The following FAM81B variants were observed in gnomAD, a reference collection of about 807,000 sequenced individuals.
FAM81B encodes the protein protein FAM81B.
In FAM81B, 60 loss-of-function variants were observed where a neutral mutation model predicts 58.7. The observed-to-expected ratio is 1.02, with a 90% CI of 0.83 to 1.27. The LOEUF (loss-of-function observed/expected upper bound fraction) is 1.27. Among genes scored for constraint, FAM81B ranks in the 50% most tolerant of loss-of-function variants. The pLI is 0.00. For synonymous variants in FAM81B, 189 were observed against 179.6 expected, an observed-to-expected ratio of 1.05 and a Z score of -0.42; for missense variants, 491 against 522.0, an observed-to-expected ratio of 0.94 and a Z score of 0.58.
chr5:95,431,592 G>T (rs1744894003), intron 6 of FAM81B, among the ~76,000 whole-genome samples: 1 of 151,910 alleles, frequency 6.6e-6, no homozygotes, highest in East Asian at 1.9e-4. Context: ...TTCTATCCAA[G>T]AATGTAGTGT....
At chr5:95,437,033 CTAACACAGAGAA>C in intron 7 of FAM81B, 127 bp downstream of exon 7, 1 of 629,786 alleles carries the variant, frequency 1.6e-6, no homozygotes, top group South Asian at 2.1e-5. Flanking sequence ...AAGCAGTGAA[CTAACACAGAGAA>C]TATTTTACAC....
At chr5:95,440,180 CA>C in intron 7 of FAM81B, 1 of 612,530 alleles carries the variant, frequency 1.6e-6, no homozygotes, top group Non-Finnish European at 3.2e-6. Flanking sequence ...CAAGTCCTTT[CA>C]AGATTCAAGA....
chr5:95,429,074 C>T (rs1471990981), intron 6 of FAM81B, among the ~76,000 whole-genome samples: 1 of 152,112 alleles, frequency 6.6e-6, no homozygotes. Flanking sequence ...CCCATGGAAG[C>T]TATTATTATT....
In FAM81B at chr5:95,414,102, G is replaced by C. The variant is rs374860699; in HGVS notation, c.449G>C (p.Arg150Pro). The C allele has an allele frequency of 1.2e-6, 2 of 1,614,036 alleles. No homozygotes were observed. Among genetic ancestry groups the C allele is most frequent in the Admixed American group, 3.3e-5 (2 of 60,004 alleles). ...TGCCTGCAGGGGACCCATGGCTTTC[G>C]AAAAGAGGAATCGCTCGCCAGGAAG... ...SACLQGTHGF[R>P]KEESLARKLL... is the part of the protein sequence containing the mutation. Residue 150 changes from arginine (R) to proline (P), a missense_variant, in exon 4 of 10, where the codon CGA (arginine) becomes CCA (proline). Coordinates refer to ENST00000283357, the MANE Select transcript of FAM81B (RefSeq NM_152548.3).
intron 4 of FAM81B, among the ~76,000 whole-genome samples, chr5:95,419,648 T>A (rs73141911): frequency 0.25 from 37,937 of 151,954 alleles, 5,912 homozygotes; most frequent in African/African-American, 0.44. Flanking sequence ...ACAATAAAGA[T>A]GTGACTAACA....
chr5:95,433,309 C>G (rs761127383), intron 6 of FAM81B, among the ~76,000 whole-genome samples: 11 of 151,948 alleles, frequency 7.2e-5, no homozygotes, highest in Non-Finnish European at 1.3e-4. Flanking sequence ...AAGTGCCAAG[C>G]AAAAGGGGGA....
chr5:95,425,988 A>G lies in FAM81B; in HGVS notation c.657-2615A>G, dbSNP rs555404446. ...CAACAATTTCTTCATTTCTCACTAC[A>G]TTTATCTTTTCTTAGGTTAAAGTAA... On this transcript the variant is annotated intron_variant, in intron 5 of 9. Transcript: ENST00000283357. 4.6e-5 allele frequency among the ~76,000 whole-genome samples: 7 copies of G among 150,710 alleles called. No individual in the cohort carries two copies. The South Asian group carries it at 1.5e-3, about 31-fold the overall frequency.
intron 5 of FAM81B, among the ~76,000 whole-genome samples, chr5:95,426,599 T>C (rs1221896802): frequency 1.3e-5 from 2 of 152,154 alleles, no homozygotes; most frequent in East Asian, 1.9e-4. Context: ...GTTTTGAAGG[T>C]TGCGCACTCC....
intron 4 of FAM81B, among the ~76,000 whole-genome samples, chr5:95,416,132 T>C (rs1009220967): frequency 1.6e-4 from 24 of 152,208 alleles, no homozygotes; most frequent in African/African-American, 5.8e-4. Context: ...GTAGATAACA[T>C]AGTTAAAACA....
At chr5:95,408,649 A>G (rs1447497397) in intron 3 of FAM81B, among the ~76,000 whole-genome samples, 1 of 152,230 alleles carries the variant, frequency 6.6e-6, no homozygotes, top group African/African-American at 2.4e-5. Context: ...GTAAACTCGG[A>G]CAAAAGTTAT....
In FAM81B at chr5:95,427,066, C is replaced by T. The variant is rs191876418; in HGVS notation, c.657-1537C>T. Among the ~76,000 whole-genome samples, 220 of 151,630 alleles carry T rather than the reference C, an allele frequency of 1.5e-3. 1 individual carries two copies. The highest frequency in any genetic ancestry group is 5.6e-4 in the Non-Finnish European group (38 of 67,944). ...TCCGTCTCAAAAAAAAGAAAAGAAG[C>T]TTTTCCCAGATCATAAACCTAGGAA... On this transcript the variant is annotated intron_variant, in intron 5 of 9. Transcript: ENST00000283357.
chr5:95,408,285 T>C (rs140541903), intron 3 of FAM81B, among the ~76,000 whole-genome samples: 28 of 152,270 alleles, frequency 1.8e-4, no homozygotes, highest in African/African-American at 6.0e-4. Context: ...GATTTTTAAG[T>C]TTCTTTGCCT....
intron 7 of FAM81B, among the ~76,000 whole-genome samples, chr5:95,439,261 T>TATATATATAC (rs1745227311): frequency 6.9e-6 from 1 of 144,872 alleles, no homozygotes; most frequent in South Asian, 2.1e-4. Flanking sequence ...TATATATATA[T>TATATATATAC]ATATGTATAT....
intron 3 of FAM81B, among the ~76,000 whole-genome samples, chr5:95,408,630 G>T (rs1160068080): frequency 1.3e-5 from 2 of 152,180 alleles, no homozygotes; most frequent in Non-Finnish European, 2.9e-5. Context: ...GTCCACTGTT[G>T]TTAGCTGGGT....
At chr5:95,413,155 ACATTTGT>A (rs981178962) in intron 3 of FAM81B, among the ~76,000 whole-genome samples, 1 of 152,100 alleles carries the variant, frequency 6.6e-6, no homozygotes, top group Non-Finnish European at 1.5e-5. Context: ...TTGACAGGGG[ACATTTGT>A]TATATTTTTC....
chr5:95,409,840 G>A (rs1047997762), intron 3 of FAM81B, among the ~76,000 whole-genome samples: 1 of 152,172 alleles, frequency 6.6e-6, no homozygotes, highest in African/African-American at 2.4e-5. Flanking sequence ...AACCAACAGG[G>A]AAGAAACAAA....
At chr5:95,417,418 G>A (rs192774167) in intron 4 of FAM81B, among the ~76,000 whole-genome samples, 1 of 152,268 alleles carries the variant, frequency 6.6e-6, no homozygotes, top group Admixed American at 6.5e-5. Flanking sequence ...CAGTGGTTTA[G>A]GGGGCTGACT....
At chr5:95,437,494 A>G (rs931833102) in intron 7 of FAM81B, among the ~76,000 whole-genome samples, 1 of 152,116 alleles carries the variant, frequency 6.6e-6, no homozygotes, top group Admixed American at 6.6e-5. Context: ...ACAGGCATGT[A>G]CCACGACACC....
At position 95,407,293 on chromosome 5, in the gene FAM81B, C is replaced by T. The variant is rs905571656; in HGVS notation, c.294-6654C>T. 2.0e-3 allele frequency among the ~76,000 whole-genome samples: 291 copies of T among 147,096 alleles called. 2 individuals carry two copies. Among genetic ancestry groups the T allele is most frequent in the African/African-American group, 7.0e-3 (279 of 39,866 alleles). ...ACACACACACACACACACACACACACGCACATCTGCCAGCTCAGGCAATCT... is the reference window on the plus strand; with the variant it reads ...ACACACACACACACACACACACACATGCACATCTGCCAGCTCAGGCAATCT... On this transcript the variant is annotated intron_variant, in intron 3 of 9. Transcript: ENST00000283357.
Sources: allele counts gnomAD v4.1 joint callset (sites outside exome capture counted in the v4.1 genomes callset), GRCh38; gene constraint gnomAD v4.1.1; transcripts MANE v1.5; gene names NCBI Gene and HGNC (gene_info 2026-07-23, HGNC 2026-07-21).